The following ENO4 variants were observed in gnomAD, a reference collection of about 807,000 sequenced individuals.
ENO4 encodes 2-phospho-D-glycerate hydro-lyase.
ENO4 carries 53 observed loss-of-function variants against 63.2 expected under a neutral mutation model. The ratio of observed to expected loss-of-function variants is 0.84; its 90% CI spans 0.67 to 1.05. The LOEUF is 1.05. Ranked by LOEUF, ENO4 falls within the 50% of genes least tolerant of loss-of-function variation. The pLI is 0.00. For missense variants in ENO4, 719 were observed against 772.0 expected (o/e 0.93, Z 0.81); for synonymous variants, 266 against 283.8 (o/e 0.94, Z 0.63).
intron 10 of ENO4, among the ~76,000 whole-genome samples, chr10:116,905,090 A>G (rs1847911028): frequency 6.6e-6 from 1 of 151,468 alleles, no homozygotes; most frequent in South Asian, 2.1e-4. Context: ...AGTCCCAGCT[A>G]CTGGGGAGGC....
At chr10:116,902,091 G>A in intron 10 of ENO4, 1 of 743,076 alleles carries the variant, frequency 1.3e-6, no homozygotes, top group Non-Finnish European at 2.1e-6. Flanking sequence ...AGAGCATGCT[G>A]GAAAATGTTG....
intron 10 of ENO4, chr10:116,906,765 C>T (rs1437603670): frequency 1.3e-6 from 2 of 1,586,662 alleles, no homozygotes; most frequent in East Asian, 2.3e-5. Flanking sequence ...GAAAACAAAA[C>T]AAAAACAAAA....
chr10:116,858,913 T>G, intron 3 of ENO4, 77 bp from the exon 4 acceptor site: 7 of 854,490 alleles, frequency 8.2e-6, no homozygotes, highest in Non-Finnish European at 1.2e-5. Flanking sequence ...TATGGGGTCA[T>G]CTCTAAAACA....
In ENO4 at chr10:116,874,098, T is replaced by C. The variant is rs1846768777; in HGVS notation, c.1238T>C (p.Ile413Thr). The C allele has an allele frequency of 6.5e-7, 1 of 1,549,526 alleles. No homozygotes were observed. Among genetic ancestry groups the C allele is most frequent in the Non-Finnish European group, 8.7e-7 (1 of 1,145,872 alleles). ...CAGAATAAAGGAAAGTATGAAGTGA[T>C]CATGGGCACATACAAAAATGCAGCG... ...MDYNKGKYEV[I>T]MGTYKNAAEM... The change falls in exon 10 of 14, where the codon ATC becomes ACC. Residue 413 changes from isoleucine (I) to threonine (T), a missense_variant. Coordinates refer to ENST00000341276, the MANE Select transcript of ENO4 (RefSeq NM_001242699.2).
In ENO4 at chr10:116,868,685, C is replaced by T. The variant is rs532126992; in HGVS notation, c.1026C>T (p.His342=). The change falls in exon 8 of 14, where the codon CAC becomes CAT. Residue 342 remains histidine, a synonymous_variant. Coordinates refer to ENST00000341276, the MANE Select transcript of ENO4 (RefSeq NM_001242699.2). ...CAAAAGCAGAGACAAAAAAAGGGCACGATGGAAGCAAAAGAGGTCAAGTAA... is the reference window on the plus strand; with the variant it reads ...CAAAAGCAGAGACAAAAAAAGGGCATGATGGAAGCAAAAGAGGTCAAGTAA... The part of the protein sequence containing the change: ...SPPKAETKKG[H]DGSKRGQQQI... 4.9e-5 allele frequency: 76 copies of T among 1,550,404 alleles called. No individual in the cohort carries two copies. The highest frequency in any genetic ancestry group is 8.2e-5 in the African/African-American group (6 of 73,140).
chr10:116,901,202 G>C (rs1847721387), intron 10 of ENO4: 2 of 985,286 alleles, frequency 2.0e-6, no homozygotes, highest in Non-Finnish European at 2.4e-6. Context: ...TCCTCCACTA[G>C]ATCTGTCTGA....
intron 6 of ENO4, among the ~76,000 whole-genome samples, chr10:116,862,415 A>G (rs1846440252): frequency 6.6e-6 from 1 of 152,092 alleles, no homozygotes; most frequent in Non-Finnish European, 1.5e-5. Flanking sequence ...GGCCGAGATC[A>G]TTGCCACTGC....
chr10:116,873,954 T>G, intron 9 of ENO4, 122 bp from the exon 10 acceptor site: 1 of 1,332,846 alleles, frequency 7.5e-7, no homozygotes, highest in Non-Finnish European at 9.8e-7. Flanking sequence ...CAACGTGCCC[T>G]GAAAAGAACC....
chr10:116,876,076 G>A lies in ENO4; in HGVS notation c.1353G>A (p.Gln451=), dbSNP rs1262624708. 1.9e-6 allele frequency: 3 copies of A among 1,544,496 alleles called. No homozygotes were observed. Among genetic ancestry groups the A allele is most frequent in the East Asian group, 2.4e-5 (1 of 40,874 alleles). Residue 451 remains glutamine (Q), a synonymous_variant, in exon 11 of 14, where the codon CAG becomes CAA. Transcript: ENST00000341276. The stretch of plus-strand genomic sequence containing the variant: ...AAATATTTACCCAGGACTCTGAACA[G>A]TGGGACAGCATCTATCACGCACTTG... ...IDPFRKEDSE[Q]WDSIYHALGS... is the part of the protein sequence containing the mutation.
At chr10:116,874,901 T>A (rs2133275915) in intron 10 of ENO4, among the ~76,000 whole-genome samples, 1 of 152,228 alleles carries the variant, frequency 6.6e-6, no homozygotes, top group East Asian at 1.9e-4. Context: ...CTCCAGCTCC[T>A]GAGCTCAGGA....
intron 8 of ENO4, among the ~76,000 whole-genome samples, chr10:116,870,725 A>G (rs929569401): frequency 6.6e-6 from 1 of 152,202 alleles, no homozygotes; most frequent in African/African-American, 2.4e-5. Context: ...AGAACATACG[A>G]AAGAGCAGGT....
intron 10 of ENO4, chr10:116,901,032 G>C (rs1489431406): frequency 4.5e-5 from 44 of 985,272 alleles, no homozygotes; most frequent in Non-Finnish European, 5.2e-5. Context: ...CAGGAAATCA[G>C]AGGTTTAATT....
At chr10:116,856,905 C>T (rs1249270677) in intron 3 of ENO4, among the ~76,000 whole-genome samples, 2 of 151,244 alleles carry the variant, frequency 1.3e-5, no homozygotes, top group Non-Finnish European at 2.9e-5. Context: ...AGGAGAATGG[C>T]GTGAACCCGG....
In ENO4 at chr10:116,875,778, A is replaced by G. The variant is rs558593156; in HGVS notation, c.1342-287A>G. Among the ~76,000 whole-genome samples, 5 of 152,308 alleles carry G rather than the reference A, an allele frequency of 3.3e-5. No homozygotes were observed. In the East Asian group the frequency reaches 5.8e-4, roughly 18 times the overall value. On this transcript the variant is annotated intron_variant, in intron 10 of 13. Transcript: ENST00000341276. ...GCATTATAGACAAGAGTGGATGGGA[A>G]TAGCCTGGGTCTGAAGAACTCTAAA...
At chr10:116,871,862 G>A (rs934435591) in intron 9 of ENO4, among the ~76,000 whole-genome samples, 2 of 152,300 alleles carry the variant, frequency 1.3e-5, no homozygotes, top group Non-Finnish European at 1.5e-5. Context: ...CCCACCTGAA[G>A]AGAAAGATTC....
chr10:116,850,325 T>C (rs1290917666), intron 1 of ENO4: 1 of 161,648 alleles, frequency 6.2e-6, no homozygotes, highest in Non-Finnish European at 1.3e-5. Context: ...CCTACAGCAT[T>C]TCCTTCGTGT....
At chr10:116,888,693 G>A (rs1209475246) in intron 10 of ENO4, among the ~76,000 whole-genome samples, 1 of 152,150 alleles carries the variant, frequency 6.6e-6, no homozygotes, top group African/African-American at 2.4e-5. Context: ...AGAAACTGTG[G>A]GCCAGTCACT....
At chr10:116,853,540 T>C (rs1031642158) in intron 1 of ENO4, among the ~76,000 whole-genome samples, 1 of 152,184 alleles carries the variant, frequency 6.6e-6, no homozygotes, top group Non-Finnish European at 1.5e-5. Context: ...GTTTGAGATA[T>C]AGTGATAAAG....
intron 10 of ENO4, among the ~76,000 whole-genome samples, chr10:116,903,686 T>C (rs1348810881): frequency 6.6e-6 from 1 of 152,178 alleles, no homozygotes; most frequent in Non-Finnish European, 1.5e-5. Flanking sequence ...TCTGATCAGC[T>C]CTATTCTGCC....
Sources: gnomAD v4.1 joint callset for allele counts (sites outside exome capture counted in the v4.1 genomes callset) on GRCh38, gnomAD v4.1.1 for gene constraint, MANE v1.5 for transcripts, NCBI Gene and HGNC (gene_info 2026-07-23, HGNC 2026-07-21) for gene names.